GUCY1A2: variants seen among roughly 807,000 people sequenced by gnomAD.
GUCY1A2 encodes guanylate cyclase soluble subunit alpha-2.
In GUCY1A2, 27 loss-of-function variants were observed where a neutral mutation model predicts 63.5. The observed-to-expected ratio is 0.43, with a 90% CI of 0.31 to 0.59. The LOEUF (loss-of-function observed/expected upper bound fraction) is 0.59, where lower values mean the gene tolerates loss of function less well. Among genes scored for constraint, GUCY1A2 ranks in the 20% least tolerant of loss-of-function variants. The pLI is 0.11. For missense variants in GUCY1A2, 768 were observed against 913.3 expected (o/e 0.84, Z 2.05); for synonymous variants, 364 against 343.5 (o/e 1.06, Z -0.66).
chr11:106,867,079 T>C (rs1177232934), intron 4 of GUCY1A2, among the ~76,000 whole-genome samples: 2 of 152,022 alleles, frequency 1.3e-5, no homozygotes, highest in Admixed American at 1.3e-4. Flanking sequence ...AATTAATAAG[T>C]CAGTTAATTA....
At chr11:106,896,859 C>T (rs1860057518) in intron 4 of GUCY1A2, among the ~76,000 whole-genome samples, 1 of 152,084 alleles carries the variant, frequency 6.6e-6, no homozygotes, top group African/African-American at 2.4e-5. Flanking sequence ...TATCACAGAA[C>T]AAATGAACTA....
In GUCY1A2 at chr11:106,684,245, C is replaced by G. The variant is rs1416377648; in HGVS notation, c.*3304G>C. 1.1e-5 allele frequency: 2 copies of G among 184,302 alleles called. No homozygotes were observed. Among genetic ancestry groups the G allele is most frequent in the Non-Finnish European group, 2.3e-5 (2 of 86,906 alleles). 11.4% of individuals were successfully genotyped at this position (184,302 alleles called of 1,614,324 possible). On this transcript the variant is annotated 3_prime_UTR_variant, in exon 8 of 8. Transcript: ENST00000526355. ...CAATGTCTGTCTCAGAGTCCCAGAT[C>G]AAAGCTCACTTGATTCCACATAATC...
At chr11:106,720,149 T>G (rs1863289775) in intron 6 of GUCY1A2, among the ~76,000 whole-genome samples, 1 of 152,208 alleles carries the variant, frequency 6.6e-6, no homozygotes, top group Admixed American at 6.5e-5. Flanking sequence ...CTTAATGCAT[T>G]CCAGTTAGTG....
Position 106,685,272 on chromosome 11 carries a change from T to A in GUCY1A2, c.*2277A>T, listed in dbSNP as rs1354412696. On this transcript the variant is annotated 3_prime_UTR_variant, in exon 8 of 8. Coordinates refer to ENST00000526355, the MANE Select transcript of GUCY1A2 (RefSeq NM_000855.3). ...TATAAACTAATACAGAATTTGTGATTCTTCTGATAAATTGAGATATATAAA... is the reference window on the plus strand; with the variant it reads ...TATAAACTAATACAGAATTTGTGATACTTCTGATAAATTGAGATATATAAA... 4.9e-6 allele frequency: 1 copy of A among 205,422 alleles called. No homozygotes were observed. The highest frequency in any genetic ancestry group is 9.9e-6 in the Non-Finnish European group (1 of 100,522). 12.7% of individuals were successfully genotyped at this position (205,422 alleles called of 1,614,324 possible). A position where few individuals can be genotyped will look rare whatever the true frequency, so the allele number is the denominator to read the frequency against.
chr11:106,878,454 G>T (rs544952302), intron 4 of GUCY1A2, among the ~76,000 whole-genome samples: 2 of 152,050 alleles, frequency 1.3e-5, no homozygotes, highest in African/African-American at 2.4e-5. Context: ...CCATAAAAAA[G>T]AATGAGATCT....
chr11:106,871,707 G>T (rs531861083), intron 4 of GUCY1A2, among the ~76,000 whole-genome samples: 1 of 152,042 alleles, frequency 6.6e-6, no homozygotes, highest in Non-Finnish European at 1.5e-5. Flanking sequence ...ATATTTCTGG[G>T]ACTCAACAAA....
At chr11:106,957,477 A>C (rs937818858) in intron 3 of GUCY1A2, among the ~76,000 whole-genome samples, 2 of 152,058 alleles carry the variant, frequency 1.3e-5, no homozygotes, top group African/African-American at 4.8e-5. Context: ...GGTTCTGTGG[A>C]AAAAGCAGTT....
At chr11:106,861,784 T>TA (rs1011934894) in intron 4 of GUCY1A2, among the ~76,000 whole-genome samples, 3 of 151,996 alleles carry the variant, frequency 2.0e-5, no homozygotes, top group Non-Finnish European at 2.9e-5. Flanking sequence ...ATTACTCATT[T>TA]AAAAAAACAC....
chr11:106,680,235 A>T lies in GUCY1A2; in HGVS notation c.*7314T>A, dbSNP rs1862410221. 1 of 211,738 alleles carries T rather than the reference A, an allele frequency of 4.7e-6. No individual in the cohort carries two copies. The highest frequency in any genetic ancestry group is 9.6e-6 in the Non-Finnish European group (1 of 104,540). The allele number at this position is 211,738 out of a possible 1,614,324, so 13.1% of individuals were successfully genotyped here. On this transcript the variant is annotated 3_prime_UTR_variant, in exon 8 of 8. Coordinates refer to ENST00000526355, the MANE Select transcript of GUCY1A2 (RefSeq NM_000855.3). ...GTCTTCAGAAAGTGAGGTATGAAGAAACAATTTTGCACATTCCTGATTTTA... is the reference window on the plus strand; with the variant it reads ...GTCTTCAGAAAGTGAGGTATGAAGATACAATTTTGCACATTCCTGATTTTA...
intron 4 of GUCY1A2, among the ~76,000 whole-genome samples, chr11:106,875,668 G>A (rs1859739140): frequency 6.6e-6 from 1 of 151,974 alleles, no homozygotes. Flanking sequence ...AAAAGTTCCA[G>A]CCACAGGTTA....
At chr11:106,723,443 G>A (rs1353997198) in intron 6 of GUCY1A2, among the ~76,000 whole-genome samples, 1 of 152,106 alleles carries the variant, frequency 6.6e-6, no homozygotes, top group East Asian at 1.9e-4. Context: ...TGACTTCTGG[G>A]AAAACAAAGA....
intron 2 of GUCY1A2, among the ~76,000 whole-genome samples, chr11:106,984,104 C>T (rs983875338): frequency 1.3e-5 from 2 of 152,276 alleles, no homozygotes; most frequent in Admixed American, 6.5e-5. Context: ...GGAATACAGT[C>T]AAGAAAGGCA....
intron 5 of GUCY1A2, among the ~76,000 whole-genome samples, chr11:106,778,963 TTC>T (rs1864410835): frequency 6.6e-6 from 1 of 152,082 alleles, no homozygotes; most frequent in African/African-American, 2.4e-5. Context: ...TTATAAAATA[TTC>T]TGTTATTTTT....
chr11:106,886,612 C>T (rs1859903784), intron 4 of GUCY1A2, among the ~76,000 whole-genome samples: 1 of 151,778 alleles, frequency 6.6e-6, no homozygotes, highest in Admixed American at 6.6e-5. Flanking sequence ...TAAATATATA[C>T]AAATATTTAT....
At chr11:106,772,372 C>T (rs544185006) in intron 6 of GUCY1A2, among the ~76,000 whole-genome samples, 17 of 152,236 alleles carry the variant, frequency 1.1e-4, no homozygotes, top group African/African-American at 3.6e-4. Flanking sequence ...TCTACTACAA[C>T]ACCCCAGCAG....
intron 6 of GUCY1A2, among the ~76,000 whole-genome samples, chr11:106,722,929 A>C (rs2135364731): frequency 6.6e-6 from 1 of 152,304 alleles, no homozygotes. Flanking sequence ...ATTCAGAATA[A>C]GAAATATGTA....
chr11:106,736,828 A>G (rs1478228835), intron 6 of GUCY1A2, among the ~76,000 whole-genome samples: 1 of 152,130 alleles, frequency 6.6e-6, no homozygotes, highest in African/African-American at 2.4e-5. Flanking sequence ...TTTTAAAGGT[A>G]GAAAGTACAG....
In GUCY1A2 at chr11:106,810,438, G is replaced by T; in HGVS notation, c.1247C>A (p.Ser416Ter). 1 of 1,610,390 alleles carries T rather than the reference G, an allele frequency of 6.2e-7. No homozygotes were observed. The change falls in exon 5 of 8, where the codon TCA (serine) becomes TAA (stop). Residue 416 changes from serine (S) to a stop codon, truncating the protein, a stop_gained. Coordinates refer to ENST00000526355, the MANE Select transcript of GUCY1A2 (RefSeq NM_000855.3). LOFTEE classifies it high-confidence loss of function. ...AGAGCCCAAAAATAAAATGGAATTT[G>T]ATTCTGGAACATGGATCATTTGTCC... is the stretch of plus-strand genomic sequence containing the variant. ...VKGQMIHVPE[S>*]NSILFLGSPC...
intron 7 of GUCY1A2, among the ~76,000 whole-genome samples, chr11:106,697,310 T>A (rs1369770650): frequency 6.6e-6 from 1 of 152,208 alleles, no homozygotes; most frequent in Non-Finnish European, 1.5e-5. Context: ...GCAATCAGAT[T>A]TTTCCTGATG....
Sources: gnomAD v4.1 joint callset for allele counts (sites outside exome capture counted in the v4.1 genomes callset) on GRCh38, gnomAD v4.1.1 for gene constraint, MANE v1.5 for transcripts, NCBI Gene and HGNC (gene_info 2026-07-23, HGNC 2026-07-21) for gene names.